TMEM132D: variants seen among roughly 807,000 people sequenced by gnomAD.
TMEM132D encodes transmembrane protein 132D.
In TMEM132D, 21 loss-of-function variants were observed where a neutral mutation model predicts 62.3. The ratio of observed to expected loss-of-function variants is 0.34; its 90% CI spans 0.24 to 0.49. The LOEUF (loss-of-function observed/expected upper bound fraction) is 0.49. Among genes scored for constraint, TMEM132D ranks in the 20% least tolerant of loss-of-function variants. The probability of loss-of-function intolerance (pLI) is 0.99; values close to 1 mark genes in which losing one functional copy is unlikely to be tolerated. For synonymous variants in TMEM132D, 621 were observed against 575.6 expected (o/e 1.08, Z -1.13); for missense variants, 1,346 against 1,402.8 (o/e 0.96, Z 0.65).
chr12:129,588,326 T>C (rs1878087696), intron 2 of TMEM132D, among the ~76,000 whole-genome samples: 1 of 152,236 alleles, frequency 6.6e-6, no homozygotes, highest in Non-Finnish European at 1.5e-5. Context: ...CTAACCAGCA[T>C]GACTCACTTG....
At chr12:129,752,009 T>C (rs1870013262) in intron 1 of TMEM132D, among the ~76,000 whole-genome samples, 1 of 152,172 alleles carries the variant, frequency 6.6e-6, no homozygotes, top group Non-Finnish European at 1.5e-5. Flanking sequence ...TCAACTGTTA[T>C]TTGCTTAACA....
At chr12:129,787,836 C>T (rs927648414) in intron 1 of TMEM132D, among the ~76,000 whole-genome samples, 3 of 152,128 alleles carry the variant, frequency 2.0e-5, no homozygotes, top group African/African-American at 4.8e-5. Context: ...ACTGGGTTTG[C>T]GGAGCAATAC....
At chr12:129,674,831 G>A (rs992810257) in intron 2 of TMEM132D, among the ~76,000 whole-genome samples, 13 of 152,102 alleles carry the variant, frequency 8.5e-5, no homozygotes, top group Admixed American at 4.6e-4. Context: ...GAGCCACCAC[G>A]CCTGGCTCGT....
chr12:129,554,657 G>A (rs561654353), intron 2 of TMEM132D, among the ~76,000 whole-genome samples: 2 of 152,174 alleles, frequency 1.3e-5, no homozygotes, highest in Non-Finnish European at 2.9e-5. Context: ...CCTATAACAT[G>A]GGACCACTTG....
At chr12:129,656,347 G>A (rs1344411067) in intron 2 of TMEM132D, among the ~76,000 whole-genome samples, 1 of 152,112 alleles carries the variant, frequency 6.6e-6, no homozygotes, top group African/African-American at 2.4e-5. Context: ...GAGGGCTTGA[G>A]GTCCCCCTGG....
At chr12:129,593,234 T>A (rs540272014) in intron 2 of TMEM132D, among the ~76,000 whole-genome samples, 9 of 152,242 alleles carry the variant, frequency 5.9e-5, no homozygotes, top group Non-Finnish European at 1.2e-4. Context: ...AATACTGGAC[T>A]TTTTGTTTGT....
At chr12:129,176,289 T>C (rs546878388) in intron 5 of TMEM132D, among the ~76,000 whole-genome samples, 17 of 152,356 alleles carry the variant, frequency 1.1e-4, no homozygotes, top group African/African-American at 4.1e-4. Context: ...TCTCCCTGTA[T>C]ATCCCACCCC....
intron 5 of TMEM132D, among the ~76,000 whole-genome samples, chr12:129,105,797 G>A (rs1875479617): frequency 3.3e-5 from 5 of 151,378 alleles, no homozygotes; most frequent in African/African-American, 2.5e-5. Context: ...GGAGAAATAG[G>A]AACAGTTTTA....
intron 1 of TMEM132D, among the ~76,000 whole-genome samples, chr12:129,770,204 C>T (rs1463096585): frequency 8.0e-6 from 1 of 125,510 alleles, no homozygotes; most frequent in Non-Finnish European, 1.6e-5. Flanking sequence ...AGTGCAGTGG[C>T]ACAATCTCGG....
intron 1 of TMEM132D, among the ~76,000 whole-genome samples, chr12:129,789,344 A>G (rs530971417): frequency 6.6e-6 from 1 of 152,132 alleles, no homozygotes; most frequent in African/African-American, 2.4e-5. Context: ...GAGTTACTTC[A>G]CTTAGAATAA....
chr12:129,222,076 T>G (rs990422893), intron 4 of TMEM132D, among the ~76,000 whole-genome samples: 13 of 152,146 alleles, frequency 8.5e-5, no homozygotes, highest in African/African-American at 2.4e-5. Context: ...TGGTATGGTA[T>G]GCAGAGGGAT....
chr12:129,460,873 CTG>C (rs1873643947), intron 3 of TMEM132D, among the ~76,000 whole-genome samples: 1 of 152,068 alleles, frequency 6.6e-6, no homozygotes, highest in Non-Finnish European at 1.5e-5. Flanking sequence ...TTACAGATGA[CTG>C]TGGATTTAAA....
intron 4 of TMEM132D, among the ~76,000 whole-genome samples, chr12:129,304,956 G>A (rs138393433): frequency 8.5e-5 from 13 of 152,224 alleles, no homozygotes; most frequent in African/African-American, 2.4e-4. Flanking sequence ...GAGCCACTGC[G>A]CCTGGCCAAG....
At chr12:129,320,542 G>A (rs1868665198) in intron 4 of TMEM132D, among the ~76,000 whole-genome samples, 2 of 152,194 alleles carry the variant, frequency 1.3e-5, no homozygotes, top group African/African-American at 4.8e-5. Flanking sequence ...TGGAAATGTA[G>A]GCAGGGGTTA....
intron 2 of TMEM132D, among the ~76,000 whole-genome samples, chr12:129,624,381 T>G (rs1010585212): frequency 1.1e-4 from 17 of 152,244 alleles, no homozygotes; most frequent in Non-Finnish European, 2.4e-4. Flanking sequence ...GGGACAATTG[T>G]GAAGACTTTT....
intron 1 of TMEM132D, among the ~76,000 whole-genome samples, chr12:129,880,434 G>A (rs963533916): frequency 4.6e-5 from 7 of 152,072 alleles, no homozygotes; most frequent in Non-Finnish European, 7.4e-5. Context: ...GAAAACTTCC[G>A]GATGTGATTA....
At chr12:129,418,533 G>A (rs1285598333) in intron 3 of TMEM132D, among the ~76,000 whole-genome samples, 1 of 152,030 alleles carries the variant, frequency 6.6e-6, no homozygotes, top group Non-Finnish European at 1.5e-5. Context: ...ACACAGGGAG[G>A]GGAACATCAC....
At chr12:129,310,517 C>T (rs866187128) in intron 4 of TMEM132D, among the ~76,000 whole-genome samples, 2 of 152,184 alleles carry the variant, frequency 1.3e-5, no homozygotes, top group African/African-American at 2.4e-5. Context: ...CTCCTCCCTC[C>T]CTCTGAGCTC....
intron 1 of TMEM132D, among the ~76,000 whole-genome samples, chr12:129,873,829 G>C (rs191024369): frequency 1.3e-5 from 2 of 152,216 alleles, no homozygotes; most frequent in Admixed American, 6.5e-5. Flanking sequence ...TCATTTGCCA[G>C]AGAAAAGTAT....
Sources: allele counts gnomAD v4.1 joint callset (sites outside exome capture counted in the v4.1 genomes callset), GRCh38; gene constraint gnomAD v4.1.1; transcripts MANE v1.5; gene names NCBI Gene and HGNC (gene_info 2026-07-23, HGNC 2026-07-21).